Variants in WASHC4 observed in about 807,000 individuals in gnomAD.
The protein encoded by WASHC4 is WASH complex subunit 7.
A neutral mutation model predicts 166.6 loss-of-function variants in WASHC4; 86 were observed. The ratio of observed to expected loss-of-function variants is 0.52; its 90% CI spans 0.43 to 0.62. WASHC4 has a LOEUF of 0.62. WASHC4 is among the 20% of genes least tolerant of loss of function. WASHC4 has a pLI of 0.00. For synonymous variants in WASHC4, 446 were observed against 451.6 expected (o/e 0.99, Z 0.16); for missense variants, 1,262 against 1,382.4 (o/e 0.91, Z 1.38).
intron 24 of WASHC4, chr12:105,148,507 G>A: frequency 1.0e-6 from 1 of 984,942 alleles, no homozygotes; most frequent in Non-Finnish European, 1.2e-6. Context: ...GATGTCTGTT[G>A]ATGAAATGAG....
intron 13 of WASHC4, among the ~76,000 whole-genome samples, 187 bp from the exon 14 acceptor site, chr12:105,133,583 C>A (rs1281196607): frequency 6.6e-6 from 1 of 151,992 alleles, no homozygotes; most frequent in African/African-American, 2.4e-5. Flanking sequence ...ATTCTCAGTA[C>A]CTGTACTGAG....
chr12:105,148,496 T>C lies in WASHC4; in HGVS notation c.2515-1119T>C, dbSNP rs904405259. 8.1e-6 allele frequency: 8 copies of C among 985,228 alleles called. No homozygotes were observed. In the African/African-American group the frequency reaches 1.4e-4, roughly 17 times the overall value. 61.0% of individuals were successfully genotyped at this position (985,228 alleles called of 1,614,324 possible). On this transcript the variant is annotated intron_variant, in intron 24 of 32. Transcript: ENST00000332180. ...AATTACACTAATGAATGTAGATTACTGATGTCTGTTGATGAAATGAGCATA... is the reference window on the plus strand; with the variant it reads ...AATTACACTAATGAATGTAGATTACCGATGTCTGTTGATGAAATGAGCATA...
chr12:105,141,060 A>G lies in WASHC4; in HGVS notation c.1707+15A>G, dbSNP rs1882803000. 5 of 1,613,816 alleles carry G rather than the reference A, an allele frequency of 3.1e-6. No individual in the cohort carries two copies. Among genetic ancestry groups the G allele is most frequent in the African/African-American group, 1.3e-5 (1 of 74,912 alleles). On this transcript the variant is annotated intron_variant, in intron 17 of 32. Transcript: ENST00000332180. ...GCACACAAATGGTAAGTGTATTGCT[A>G]TTACTTATGGAACAGAAATGAGATC...
intron 24 of WASHC4, chr12:105,147,893 G>T: frequency 3.1e-6 from 3 of 957,016 alleles, no homozygotes; most frequent in Non-Finnish European, 3.7e-6. Context: ...CAGCAAGAGC[G>T]AAACTCCATC....
Position 105,152,435 on chromosome 12 carries a change from A to G in WASHC4, c.2742A>G (p.Gln914=), listed in dbSNP as rs372663472. The change falls in exon 26 of 33, where the codon CAA becomes CAG. Residue 914 remains glutamine (Q), a synonymous_variant. Coordinates refer to ENST00000332180, the MANE Select transcript of WASHC4 (RefSeq NM_015275.3). ...AGAGCTACCTTGATCAATTCAGGCAACTCATCAGCCAGATTGGTAAGTTAT... is the reference window on the plus strand; with the variant it reads ...AGAGCTACCTTGATCAATTCAGGCAGCTCATCAGCCAGATTGGTAAGTTAT... ...EGQSYLDQFR[Q]LISQIGNAMG... The G allele has an allele frequency of 3.2e-6, 5 of 1,574,886 alleles. No homozygotes were observed. The highest frequency in any genetic ancestry group is 2.7e-5 in the African/African-American group (2 of 74,060).
rs917762986 is a variant in WASHC4, at chr12:105,168,952, G to A, written c.*2021G>A. 1.3e-5 allele frequency: 2 copies of A among 152,514 alleles called. No individual in the cohort carries two copies. The highest frequency in any genetic ancestry group is 4.8e-5 in the African/African-American group (2 of 41,424). 9.4% of individuals were successfully genotyped at this position (152,514 alleles called of 1,614,324 possible). On this transcript the variant is annotated 3_prime_UTR_variant, in exon 33 of 33. Coordinates refer to ENST00000332180, the MANE Select transcript of WASHC4 (RefSeq NM_015275.3). ...TGTGAGCGTTTGTTTTAAGTTCACAGAAAACTTAATAATTCAAATTCTCAG... is the reference window on the plus strand; with the variant it reads ...TGTGAGCGTTTGTTTTAAGTTCACAAAAAACTTAATAATTCAAATTCTCAG...
rs749895872 is a variant in WASHC4 at position 105,162,805 on chromosome 12, T to C, written c.3117T>C (p.Asn1039=). Residue 1039 remains asparagine (N), a synonymous_variant, in exon 30 of 33, where the codon AAT becomes AAC. Coordinates refer to ENST00000332180, the MANE Select transcript of WASHC4 (RefSeq NM_015275.3). The part of the protein sequence containing the change: ...ISCKEKLNKK[N]KIGAAFTDDG... ...GCAAGGAAAAATTAAATAAAAAAAA[T>C]AAAATTGGAGCTGCCTTTACTGATG... 6.2e-7 allele frequency: 1 copy of C among 1,603,982 alleles called. No homozygotes were observed. The highest frequency in any genetic ancestry group is 1.1e-5 in the South Asian group (1 of 90,548).
chr12:105,143,380 G>T, intron 20 of WASHC4, 137 bp downstream of exon 20: 1 of 615,882 alleles, frequency 1.6e-6, no homozygotes, highest in Non-Finnish European at 2.9e-6. Context: ...ACTATTTTTA[G>T]TTACAATATC....
intron 6 of WASHC4, among the ~76,000 whole-genome samples, chr12:105,117,492 C>G (rs1880296907): frequency 6.6e-6 from 1 of 151,942 alleles, no homozygotes; most frequent in Non-Finnish European, 1.5e-5. Context: ...CCTACATTTT[C>G]TCTGCTTTTT....
chr12:105,144,006 C>CATGTT (rs1883085625), intron 20 of WASHC4, among the ~76,000 whole-genome samples: 1 of 151,626 alleles, frequency 6.6e-6, no homozygotes, highest in Admixed American at 6.6e-5. Context: ...TTCTCTCTTG[C>CATGTT]CTGTTCTCAT....
intron 7 of WASHC4, 51 bp from the exon 8 acceptor site, chr12:105,120,504 A>C: frequency 2.8e-6 from 3 of 1,064,488 alleles, no homozygotes; most frequent in South Asian, 2.5e-5. Flanking sequence ...AATAAGAATA[A>C]ACTATGACAA....
At chr12:105,114,560 C>T (rs918211249) in intron 4 of WASHC4, 133 bp downstream of exon 4, 11 of 687,340 alleles carry the variant, frequency 1.6e-5, no homozygotes, top group Admixed American at 9.5e-5. Flanking sequence ...AATACTAATA[C>T]GGACTACCAT....
At chr12:105,161,563 A>G (rs986779352) in intron 29 of WASHC4, among the ~76,000 whole-genome samples, 8 of 152,240 alleles carry the variant, frequency 5.3e-5, no homozygotes, top group African/African-American at 1.9e-4. Flanking sequence ...GAATTCGCTT[A>G]GTGATGGAGA....
chr12:105,138,067 A>T lies in WASHC4; in HGVS notation c.1452+56A>T, dbSNP rs1882468355. On this transcript the variant is annotated intron_variant, in intron 15 of 32. Transcript: ENST00000332180. ...ATAATTGAGAAATGACCCAGGCTTA[A>T]ATTAGGATAATCTTGTAAGGTTTGA... 5 of 1,557,096 alleles carry T rather than the reference A, an allele frequency of 3.2e-6. No homozygotes were observed. The East Asian group carries it at 1.1e-4, about 35-fold the overall frequency.
rs751038757 is a variant in WASHC4 at position 105,114,197 on chromosome 12, T to C, written c.202-19T>C. 2 of 1,602,964 alleles carry C rather than the reference T, an allele frequency of 1.2e-6. No individual in the cohort carries two copies. Among genetic ancestry groups the C allele is most frequent in the Admixed American group, 1.7e-5 (1 of 59,390 alleles). On this transcript the variant is annotated intron_variant, in intron 2 of 32. Coordinates refer to ENST00000332180, the MANE Select transcript of WASHC4 (RefSeq NM_015275.3). ...ATTTTTCAAATTAAAAGAAATGTTC[T>C]TTTCCTTTGTTTCTGTAGCTTTTGC...
chr12:105,156,813 T>C, intron 27 of WASHC4, 21 bp downstream of exon 27: 5 of 1,588,670 alleles, frequency 3.1e-6, no homozygotes, highest in Non-Finnish European at 4.3e-6. Context: ...AAACATCATT[T>C]TTGCCTTGTT....
At chr12:105,160,788 T>G (rs946322062) in intron 29 of WASHC4, among the ~76,000 whole-genome samples, 13 of 152,206 alleles carry the variant, frequency 8.5e-5, no homozygotes, top group African/African-American at 2.4e-4. Context: ...GTAGAATAAC[T>G]TTAGCTGTTA....
intron 32 of WASHC4, among the ~76,000 whole-genome samples, chr12:105,166,384 G>A (rs982169214): frequency 6.6e-6 from 1 of 151,892 alleles, no homozygotes; most frequent in African/African-American, 2.4e-5. Flanking sequence ...TATATATTAC[G>A]TATAATTTAT....
At chr12:105,111,062 A>G (rs1879638677) in intron 1 of WASHC4, 63 bp from the exon 2 acceptor site, 2 of 1,202,040 alleles carry the variant, frequency 1.7e-6, no homozygotes, top group African/African-American at 3.0e-5. Context: ...AGGTTATTTG[A>G]AGTAAATGTC....
Sources: allele counts gnomAD v4.1 joint callset (sites outside exome capture counted in the v4.1 genomes callset), GRCh38; gene constraint gnomAD v4.1.1; transcripts MANE v1.5; gene names NCBI Gene and HGNC (gene_info 2026-07-23, HGNC 2026-07-21).